The following PTPRG variants were observed in gnomAD, a reference collection of about 807,000 sequenced individuals.
PTPRG encodes protein tyrosine phosphatase receptor type G.
Under a neutral mutation model 165.3 loss-of-function variants are expected in PTPRG, and 102 were observed. The ratio of observed to expected loss-of-function variants is 0.62; its 90% CI spans 0.53 to 0.73. The LOEUF (loss-of-function observed/expected upper bound fraction) is 0.73, where lower values mean the gene tolerates loss of function less well. Ranked by LOEUF, PTPRG falls within the 30% of genes least tolerant of loss-of-function variation. The pLI, the probability that PTPRG is intolerant of heterozygous loss-of-function variation, is 0.00. For synonymous variants in PTPRG, 675 were observed against 669.5 expected (o/e 1.01, Z -0.13); for missense variants, 1,866 against 1,861.4 (o/e 1.00, Z -0.05).
chr3:61,869,650 C>G (rs761098633), intron 2 of PTPRG, among the ~76,000 whole-genome samples: 60 of 151,634 alleles, frequency 4.0e-4, no homozygotes, highest in Admixed American at 7.9e-4. Flanking sequence ...GCATTCATGG[C>G]TTACTGCAGC....
At position 61,653,399 on chromosome 3, in the gene PTPRG, G is replaced by T. The variant is rs56235819; in HGVS notation, c.85+91027G>T. The stretch of plus-strand genomic sequence containing the variant: ...TGTCATTTTTAGCAGCTGCAATAGT[G>T]ATCCTCCATAAATGGGCCAGTGTCT... On this transcript the variant is annotated intron_variant, in intron 1 of 29. Transcript: ENST00000474889. Among the ~76,000 whole-genome samples, 1,376 of 151,976 alleles carry T rather than the reference G, an allele frequency of 9.1e-3. 26 individuals are homozygous for T. Among genetic ancestry groups the T allele is most frequent in the African/African-American group, 0.029 (1,194 of 41,432 alleles).
chr3:61,906,197 G>A (rs1264226902), intron 2 of PTPRG, among the ~76,000 whole-genome samples: 3 of 151,834 alleles, frequency 2.0e-5, no homozygotes, highest in South Asian at 2.1e-4. Flanking sequence ...GCTCATACCT[G>A]TAATCCCAGC....
chr3:61,783,958 A>G (rs1008741534), intron 2 of PTPRG, among the ~76,000 whole-genome samples: 2 of 152,216 alleles, frequency 1.3e-5, no homozygotes, highest in African/African-American at 4.8e-5. Context: ...GCCATTGGGC[A>G]TTTGAACCTG....
At chr3:61,870,033 A>G (rs1472095117) in intron 2 of PTPRG, among the ~76,000 whole-genome samples, 4 of 152,034 alleles carry the variant, frequency 2.6e-5, no homozygotes, top group Non-Finnish European at 4.4e-5. Context: ...ATCACTGCAT[A>G]TTGAGCTTTC....
At chr3:61,842,806 C>A (rs182887439) in intron 2 of PTPRG, among the ~76,000 whole-genome samples, 11 of 152,032 alleles carry the variant, frequency 7.2e-5, no homozygotes, top group African/African-American at 2.7e-4. Flanking sequence ...AGCTACAAGA[C>A]AGAAGGAGAC....
intron 28 of PTPRG, among the ~76,000 whole-genome samples, chr3:62,288,566 GGGA>G (rs1030304726): frequency 2.6e-5 from 4 of 151,940 alleles, no homozygotes; most frequent in African/African-American, 9.7e-5. Context: ...CCAGCTACTC[GGGA>G]GGCTGAGGCA....
At chr3:61,935,059 C>T (rs1212301566) in intron 2 of PTPRG, among the ~76,000 whole-genome samples, 1 of 152,062 alleles carries the variant, frequency 6.6e-6, no homozygotes, top group African/African-American at 2.4e-5. Flanking sequence ...AGACATCCTC[C>T]TCTCCTTCCC....
chr3:62,145,687 G>C (rs1704094672), intron 6 of PTPRG, among the ~76,000 whole-genome samples: 1 of 152,176 alleles, frequency 6.6e-6, no homozygotes, highest in South Asian at 2.1e-4. Context: ...GTTAACCTCT[G>C]TCTGTGCACC....
In PTPRG at chr3:61,870,910, T is replaced by C. The variant is rs561156467; in HGVS notation, c.191-118715T>C. 3.0e-3 allele frequency among the ~76,000 whole-genome samples: 457 copies of C among 152,262 alleles called. 6 individuals are homozygous for C. The highest frequency in any genetic ancestry group is 0.01 in the African/African-American group (435 of 41,506). On this transcript the variant is annotated intron_variant, in intron 2 of 29. Transcript: ENST00000474889. ...TTACTAAGAAATTTTCAGAAATCAC[T>C]GCTTAGAAATCAGCAACGGGGTAGA...
At chr3:62,042,188 C>T (rs1303088211) in intron 4 of PTPRG, among the ~76,000 whole-genome samples, 1 of 152,076 alleles carries the variant, frequency 6.6e-6, no homozygotes, top group Non-Finnish European at 1.5e-5. Context: ...ACAAGTATAA[C>T]CTGGAGCTTC....
At chr3:61,658,299 C>T (rs1702564428) in intron 1 of PTPRG, among the ~76,000 whole-genome samples, 1 of 152,102 alleles carries the variant, frequency 6.6e-6, no homozygotes, top group Non-Finnish European at 1.5e-5. Flanking sequence ...ATTCAGATGT[C>T]CCTGATGAGA....
chr3:62,121,199 C>T (rs1051774746), intron 5 of PTPRG, among the ~76,000 whole-genome samples: 6 of 151,804 alleles, frequency 4.0e-5, no homozygotes, highest in African/African-American at 7.3e-5. Flanking sequence ...GTGATCCACC[C>T]GTCTCGGCCT....
chr3:62,181,941 C>T (rs1187976579), intron 8 of PTPRG, among the ~76,000 whole-genome samples: 1 of 152,132 alleles, frequency 6.6e-6, no homozygotes, highest in East Asian at 1.9e-4. Flanking sequence ...TAAATTTTGA[C>T]TCTCCAAAAA....
At position 62,212,183 on chromosome 3, in the gene PTPRG, T is replaced by G. The variant is rs138976547; in HGVS notation, c.2156-6668T>G. Among the ~76,000 whole-genome samples, 559 of 152,248 alleles carry G rather than the reference T, an allele frequency of 3.7e-3. 4 individuals carry two copies. Among genetic ancestry groups the G allele is most frequent in the African/African-American group, 0.013 (541 of 41,540 alleles). On this transcript the variant is annotated intron_variant, in intron 12 of 29. Transcript: ENST00000474889. ...ACATTTCAGGAGCAGGCTCATTCTTTGAGTCTGGGCTCTAACTGGCCTCAC... is the reference window on the plus strand; with the variant it reads ...ACATTTCAGGAGCAGGCTCATTCTTGGAGTCTGGGCTCTAACTGGCCTCAC...
At chr3:61,906,392 G>T (rs2038654028) in intron 2 of PTPRG, among the ~76,000 whole-genome samples, 1 of 151,552 alleles carries the variant, frequency 6.6e-6, no homozygotes, top group African/African-American at 2.4e-5. Flanking sequence ...GGAGGTGGAG[G>T]TTTCAGTGAG....
intron 5 of PTPRG, among the ~76,000 whole-genome samples, chr3:62,110,673 C>T (rs1702637519): frequency 6.6e-6 from 1 of 152,100 alleles, no homozygotes; most frequent in Non-Finnish European, 1.5e-5. Flanking sequence ...CTTCATATTT[C>T]TAGACTAAGT....
chr3:62,204,452 G>A (rs1272711240), intron 12 of PTPRG, among the ~76,000 whole-genome samples: 11 of 152,140 alleles, frequency 7.2e-5, no homozygotes, highest in Non-Finnish European at 1.3e-4. Context: ...TAGCAGGAAC[G>A]TTAGAAAGCC....
At position 61,955,799 on chromosome 3, in the gene PTPRG, A is replaced by G. The variant is rs75799172; in HGVS notation, c.191-33826A>G. Reference sequence around the variant, plus strand: ...GGCACACAGATATCTCTATGTGTATACTGATATACTTGAGAAAGTTCTCCT... The same window carrying G: ...GGCACACAGATATCTCTATGTGTATGCTGATATACTTGAGAAAGTTCTCCT... On this transcript the variant is annotated intron_variant, in intron 2 of 29. Transcript: ENST00000474889. 2.5e-3 allele frequency among the ~76,000 whole-genome samples: 387 copies of G among 152,354 alleles called. 1 individual carries two copies. The highest frequency in any genetic ancestry group is 8.6e-3 in the African/African-American group (356 of 41,590).
intron 4 of PTPRG, among the ~76,000 whole-genome samples, chr3:62,058,686 A>G (rs764601972): frequency 6.6e-5 from 10 of 152,148 alleles, no homozygotes; most frequent in Admixed American, 5.9e-4. Context: ...TGTTGTTAGC[A>G]TGACCCAAGT....
Sources: allele counts gnomAD v4.1 joint callset (sites outside exome capture counted in the v4.1 genomes callset), GRCh38; gene constraint gnomAD v4.1.1; transcripts MANE v1.5; gene names NCBI Gene and HGNC (gene_info 2026-07-23, HGNC 2026-07-21).